Variants in TDRKH observed in about 807,000 individuals in gnomAD.
The protein encoded by TDRKH is tudor and KH domain containing.
In TDRKH, 28 loss-of-function variants were observed where a neutral mutation model predicts 61.3. The observed-to-expected ratio is 0.46, with a 90% CI of 0.34 to 0.63. The LOEUF is 0.63. Among genes scored for constraint, TDRKH ranks in the 20% least tolerant of loss-of-function variants. The pLI is 0.01. For synonymous variants in TDRKH, 219 were observed against 244.4 expected, an observed-to-expected ratio of 0.90 and a Z score of 0.97; for missense variants, 540 against 683.4, an observed-to-expected ratio of 0.79 and a Z score of 2.34.
intron 3 of TDRKH, 131 bp downstream of exon 3, chr1:151,781,350 A>G (rs1649795674): frequency 4.9e-6 from 1 of 202,832 alleles, no homozygotes; most frequent in African/African-American, 2.7e-5. Context: ...TATATTTTAT[A>G]TATACACACA....
intron 6 of TDRKH, among the ~76,000 whole-genome samples, chr1:151,777,906 A>G (rs1355066504): frequency 6.6e-6 from 1 of 151,980 alleles, no homozygotes; most frequent in African/African-American, 2.4e-5. Flanking sequence ...TTTTTTAAAC[A>G]GAAAACCTAG....
chr1:151,776,897 G>C (rs1052733259), intron 6 of TDRKH, among the ~76,000 whole-genome samples: 1 of 152,186 alleles, frequency 6.6e-6, no homozygotes, highest in Non-Finnish European at 1.5e-5. Flanking sequence ...GCATGGATCA[G>C]TAAAAAGGTA....
intron 3 of TDRKH, among the ~76,000 whole-genome samples, chr1:151,781,092 G>A (rs1383096597): frequency 6.6e-6 from 1 of 151,262 alleles, no homozygotes; most frequent in Non-Finnish European, 1.5e-5. Context: ...GAGGCAGGCG[G>A]ATCACCTGAG....
downstream of TDRKH, among the ~76,000 whole-genome samples, chr1:151,772,997 G>A (rs1411986351): frequency 6.6e-6 from 1 of 152,072 alleles, no homozygotes; most frequent in Admixed American, 6.6e-5. Flanking sequence ...CCAAATAGCT[G>A]GGATTACAGG....
Position 151,779,233 on chromosome 1 carries a change from C to T in TDRKH, c.431G>A (p.Gly144Asp), listed in dbSNP as rs761961015. Reference sequence around the variant, plus strand: ...CTTACAGATAGAACGAATTGTCTCGCCGCCTCTCCCTACATTAAACAATAT... The same window carrying T: ...CTTACAGATAGAACGAATTGTCTCGTCGCCTCTCCCTACATTAAACAATAT... ...RSVGRIIGRG[G>D]ETIRSICKAS... is the part of the protein sequence containing the mutation. Residue 144 changes from glycine to aspartate, a missense_variant, in exon 5 of 13, where the codon GGC (glycine) becomes GAC (aspartate). By Grantham distance (94) the Gly-to-Asp change is moderately conservative. Transcript: ENST00000368824. 3 of 1,614,074 alleles carry T rather than the reference C, an allele frequency of 1.9e-6. No individual in the cohort carries two copies. Among genetic ancestry groups the T allele is most frequent in the South Asian group, 1.1e-5 (1 of 91,060 alleles).
In TDRKH at chr1:151,776,225, G is replaced by A. The variant is rs749932036; in HGVS notation, c.1088C>T (p.Pro363Leu). 3 of 1,614,174 alleles carry A rather than the reference G, an allele frequency of 1.9e-6. No individual in the cohort carries two copies. The South Asian group carries it at 3.3e-5, about 18-fold the overall frequency. ...ATACCAGGAACCATTTGTAGGTAAA[G>A]GTGCTGCTACAATGTCTCCTACATG... ...TVHVGDIVAA[P>L]LPTNGSWYRA... The change falls in exon 8 of 13, where the codon CCT (proline) becomes CTT (leucine). Residue 363 changes from proline to leucine, a missense_variant. By Grantham distance (98) the Pro-to-Leu change is moderately conservative. Coordinates refer to ENST00000368824, the MANE Select transcript of TDRKH (RefSeq NM_001083965.2).
chr1:151,786,677 AT>A (rs1256687606), intron 1 of TDRKH, among the ~76,000 whole-genome samples: 2 of 152,110 alleles, frequency 1.3e-5, no homozygotes, highest in Non-Finnish European at 2.9e-5. Context: ...TGCCAAATCT[AT>A]TTTTTCTATA....
intron 1 of TDRKH, among the ~76,000 whole-genome samples, chr1:151,784,275 C>T (rs540816366): frequency 4.1e-4 from 62 of 152,336 alleles, no homozygotes; most frequent in African/African-American, 1.4e-3. Flanking sequence ...ACATGATTAA[C>T]GTTTTCTTTC....
chr1:151,772,488 T>C (rs1648772638), downstream of TDRKH, among the ~76,000 whole-genome samples: 1 of 152,144 alleles, frequency 6.6e-6, no homozygotes, highest in Non-Finnish European at 1.5e-5. Flanking sequence ...TACTAATCCC[T>C]AAATTTAAAA....
At position 151,780,149 on chromosome 1, in the gene TDRKH, A is replaced by G; in HGVS notation, c.232-9T>C. ...CCTGTCTGTTTCCGCAGCTGCAAAG[A>G]AAAGGACATTTGGCAGTACATTCTG... is the stretch of plus-strand genomic sequence containing the variant. On this transcript the variant is annotated splice_polypyrimidine_tract_variant and intron_variant, in intron 3 of 12. Coordinates refer to ENST00000368824, the MANE Select transcript of TDRKH (RefSeq NM_001083965.2). The G allele has an allele frequency of 1.9e-6, 3 of 1,607,026 alleles. No homozygotes were observed. Among genetic ancestry groups the G allele is most frequent in the Non-Finnish European group, 1.7e-6 (2 of 1,174,050 alleles).
intron 2 of TDRKH, chr1:151,782,075 T>G: frequency 2.3e-6 from 1 of 435,186 alleles, no homozygotes; most frequent in Middle Eastern, 3.8e-4. Flanking sequence ...AAAAAAGAAC[T>G]CTTTGCTGTG....
At chr1:151,788,653 T>C (rs918577131) in intron 1 of TDRKH, among the ~76,000 whole-genome samples, 4 of 152,162 alleles carry the variant, frequency 2.6e-5, no homozygotes, top group African/African-American at 9.7e-5. Context: ...TGATCTAAGA[T>C]CACACAGCTC....
At chr1:151,783,097 T>C (rs1649993331) in intron 1 of TDRKH, 48 bp from the exon 2 acceptor site, 8 of 1,558,284 alleles carry the variant, frequency 5.1e-6, no homozygotes, top group Non-Finnish European at 6.1e-6. Flanking sequence ...TCCAATCCTT[T>C]TATGAATAGC....
intron 1 of TDRKH, among the ~76,000 whole-genome samples, chr1:151,787,065 T>C (rs1216417541): frequency 3.3e-5 from 5 of 152,190 alleles, no homozygotes; most frequent in African/African-American, 9.7e-5. Context: ...TCGTTGTATA[T>C]ACCAAAGGAA....
chr1:151,776,629 A>G (rs1462365486), intron 6 of TDRKH, 30 bp from the exon 7 acceptor site: 1 of 1,608,354 alleles, frequency 6.2e-7, no homozygotes, highest in Admixed American at 1.7e-5. Context: ...TGGTGGCCAC[A>G]TCAGACCCAT....
downstream of TDRKH, among the ~76,000 whole-genome samples, chr1:151,773,020 C>T (rs781243072): frequency 3.9e-4 from 59 of 151,748 alleles, no homozygotes; most frequent in South Asian, 4.2e-4. Context: ...CCTGCCACCA[C>T]GCCCAGCTAA....
At position 151,787,129 on chromosome 1, in the gene TDRKH, C is replaced by T. The variant is rs141696942; in HGVS notation, c.-28+3251G>A. Among the ~76,000 whole-genome samples, 135 of 152,306 alleles carry T rather than the reference C, an allele frequency of 8.9e-4. 2 individuals carry two copies. The East Asian group carries it at 0.015, about 17-fold the overall frequency. On this transcript the variant is annotated intron_variant, in intron 1 of 12. Transcript: ENST00000368824. The stretch of plus-strand genomic sequence containing the variant: ...TTTTGACTTAAATAATTCTTGAATA[C>T]ACACCTCCCAAACTGCTACTTTCCT...
At chr1:151,781,365 TAC>T (rs1233053213) in intron 3 of TDRKH, 114 bp downstream of exon 3, 1,696 of 423,812 alleles carry the variant, frequency 4.0e-3, no homozygotes, top group South Asian at 4.6e-3. Flanking sequence ...CACACACACA[TAC>T]ACACACACAC....
In TDRKH at chr1:151,775,519, A is replaced by G; in HGVS notation, c.1307T>C (p.Leu436Ser). The part of the protein sequence containing the change: ...PSGDQWEEEA[L>S]DEFDRLTHCA... Reference sequence around the variant, plus strand: ...ATGAGTGAGTCTATCAAACTCATCCAAAGCTTCCTCTTCCCACTGGTCACC... The same window carrying G: ...ATGAGTGAGTCTATCAAACTCATCCGAAGCTTCCTCTTCCCACTGGTCACC... The change falls in exon 10 of 13, where the codon TTG (leucine) becomes TCG (serine). Residue 436 changes from leucine (L) to serine (S), a missense_variant. Leu to Ser is a moderately radical substitution (Grantham distance 145, BLOSUM62 -2). Coordinates refer to ENST00000368824, the MANE Select transcript of TDRKH (RefSeq NM_001083965.2). 2 of 1,613,748 alleles carry G rather than the reference A, an allele frequency of 1.2e-6. No individual in the cohort carries two copies. Among genetic ancestry groups the G allele is most frequent in the Non-Finnish European group, 1.7e-6 (2 of 1,179,880 alleles).
Sources: gnomAD v4.1 joint callset for allele counts (sites outside exome capture counted in the v4.1 genomes callset) on GRCh38, gnomAD v4.1.1 for gene constraint, MANE v1.5 for transcripts, NCBI Gene and HGNC (gene_info 2026-07-23, HGNC 2026-07-21) for gene names.